LHFPL3: variants seen among roughly 807,000 people sequenced by gnomAD.
LHFPL3 encodes the protein LHFPL tetraspan subfamily member 3 protein.
Under a neutral mutation model 19.3 loss-of-function variants are expected in LHFPL3, and 5 were observed. That is an observed-to-expected ratio of 0.26 (90% CI 0.14 to 0.54). The LOEUF is 0.54. Among genes scored for constraint, LHFPL3 ranks in the 20% least tolerant of loss-of-function variants. LHFPL3 has a pLI of 0.94. For missense variants in LHFPL3, 249 were observed against 307.4 expected, an observed-to-expected ratio of 0.81 and a Z score of 1.42; for synonymous variants, 133 against 126.2, an observed-to-expected ratio of 1.05 and a Z score of -0.36.
chr7:104,558,201 G>A (rs1404600752), intron 1 of LHFPL3, among the ~76,000 whole-genome samples: 2 of 151,632 alleles, frequency 1.3e-5, no homozygotes, highest in Non-Finnish European at 2.9e-5. Context: ...CCCAGTAATG[G>A]GATGGCTGGA....
chr7:104,563,354 T>G (rs1298754474), intron 1 of LHFPL3, among the ~76,000 whole-genome samples: 4 of 152,428 alleles, frequency 2.6e-5, no homozygotes, highest in Middle Eastern at 6.8e-3. Context: ...CGTAGGACCC[T>G]CCGAGCCAGG....
intron 2 of LHFPL3, among the ~76,000 whole-genome samples, chr7:104,749,472 T>C (rs1342498101): frequency 2.6e-5 from 4 of 152,190 alleles, no homozygotes; most frequent in Non-Finnish European, 5.9e-5. Flanking sequence ...TTATTATTTA[T>C]GGCTGGTATA....
chr7:104,568,791 G>A (rs1790171983), intron 1 of LHFPL3, among the ~76,000 whole-genome samples: 1 of 152,212 alleles, frequency 6.6e-6, no homozygotes, highest in Non-Finnish European at 1.5e-5. Context: ...CCTTCCAGAG[G>A]TCAGAGAAAC....
intron 2 of LHFPL3, among the ~76,000 whole-genome samples, chr7:104,843,851 G>C (rs376081887): frequency 6.6e-6 from 1 of 152,188 alleles, no homozygotes; most frequent in Non-Finnish European, 1.5e-5. Flanking sequence ...CCATTAATCT[G>C]AGTTTCATGG....
At chr7:104,668,186 C>T in intron 1 of LHFPL3, 5 of 1,613,778 alleles carry the variant, frequency 3.1e-6, no homozygotes, top group Non-Finnish European at 4.2e-6. Flanking sequence ...AATTTGAGGA[C>T]CTGGATTCCC....
intron 1 of LHFPL3, among the ~76,000 whole-genome samples, chr7:104,344,893 A>G (rs1790034318): frequency 6.6e-6 from 1 of 152,100 alleles, no homozygotes; most frequent in Admixed American, 6.5e-5. Context: ...GGCTTTACCT[A>G]GTTTGGATAA....
chr7:104,379,333 A>C (rs1425518987), intron 1 of LHFPL3, among the ~76,000 whole-genome samples: 1 of 152,164 alleles, frequency 6.6e-6, no homozygotes, highest in Non-Finnish European at 1.5e-5. Flanking sequence ...CTCGGCACAG[A>C]TCAGCCTGAG....
chr7:104,824,034 T>C (rs780132340), intron 2 of LHFPL3, among the ~76,000 whole-genome samples: 23 of 143,960 alleles, frequency 1.6e-4, no homozygotes, highest in Non-Finnish European at 3.2e-4. Context: ...TAATCCCAGC[T>C]ACTCGGGAGG....
intron 2 of LHFPL3, among the ~76,000 whole-genome samples, chr7:104,859,280 C>A (rs200231777): frequency 2.2e-3 from 303 of 140,162 alleles, no homozygotes; most frequent in East Asian, 0.021. Flanking sequence ...AAAAAAAAAA[C>A]AAAAAACCAA....
At position 104,612,763 on chromosome 7, in the gene LHFPL3, C is replaced by T. The variant is rs192957205; in HGVS notation, c.446-123912C>T. Among the ~76,000 whole-genome samples, 243 of 152,300 alleles carry T rather than the reference C, an allele frequency of 1.6e-3. 2 individuals are homozygous for T. The highest frequency in any genetic ancestry group is 5.1e-3 in the African/African-American group (214 of 41,580). ...AATGCTGTGAAGGACGATGACACTA[C>T]TTTGCTTAGAGGGACTGACATTTCA... is the stretch of plus-strand genomic sequence containing the variant. On this transcript the variant is annotated intron_variant, in intron 1 of 2. Transcript: ENST00000424859.
At chr7:104,432,292 C>T (rs924020323) in intron 1 of LHFPL3, among the ~76,000 whole-genome samples, 1 of 152,140 alleles carries the variant, frequency 6.6e-6, no homozygotes, top group Admixed American at 6.5e-5. Flanking sequence ...GGAAGGAAGT[C>T]AATAGCCAGG....
intron 1 of LHFPL3, among the ~76,000 whole-genome samples, chr7:104,385,901 C>G (rs1790931921): frequency 7.6e-6 from 1 of 131,986 alleles, no homozygotes; most frequent in Non-Finnish European, 1.7e-5. Context: ...GAAAGGGCCT[C>G]CAATAATTAC....
chr7:104,617,090 C>T (rs771836093), intron 1 of LHFPL3, among the ~76,000 whole-genome samples: 18 of 152,094 alleles, frequency 1.2e-4, no homozygotes, highest in African/African-American at 3.9e-4. Context: ...GAAGACAGTG[C>T]GGCGATTCCT....
intron 1 of LHFPL3, among the ~76,000 whole-genome samples, chr7:104,493,019 T>C (rs988488136): frequency 6.6e-6 from 1 of 152,244 alleles, no homozygotes; most frequent in Non-Finnish European, 1.5e-5. Flanking sequence ...TCCATATTTA[T>C]TTAACCTTCA....
At chr7:104,866,984 C>A (rs905016722) in intron 2 of LHFPL3, among the ~76,000 whole-genome samples, 1 of 152,100 alleles carries the variant, frequency 6.6e-6, no homozygotes, top group African/African-American at 2.4e-5. Flanking sequence ...CTACTGGGTA[C>A]ATAAAGAAAT....
rs1221825449 is a variant in LHFPL3 at position 104,906,249 on chromosome 7, C to G, written c.*34C>G. The G allele has an allele frequency of 1.3e-6, 2 of 1,596,050 alleles. No homozygotes were observed. Among genetic ancestry groups the G allele is most frequent in the African/African-American group, 1.3e-5 (1 of 74,668 alleles). On this transcript the variant is annotated 3_prime_UTR_variant, in exon 3 of 3. Coordinates refer to ENST00000424859, the MANE Select transcript of LHFPL3 (RefSeq NM_199000.3). ...CAAATCGAATAACAGCTAAACAAAT[C>G]GAATAACAGCTAAACGAATCGAATA...
At chr7:104,581,752 T>A (rs2115567438) in intron 1 of LHFPL3, among the ~76,000 whole-genome samples, 1 of 152,156 alleles carries the variant, frequency 6.6e-6, no homozygotes, top group East Asian at 1.9e-4. Context: ...TCTTTTCCCA[T>A]TGAATTATTT....
intron 1 of LHFPL3, among the ~76,000 whole-genome samples, chr7:104,548,455 T>C (rs1310245093): frequency 6.6e-6 from 1 of 152,194 alleles, no homozygotes; most frequent in African/African-American, 2.4e-5. Context: ...ACAAAGTTTA[T>C]TTGCCATCAA....
intron 2 of LHFPL3, among the ~76,000 whole-genome samples, chr7:104,825,328 G>T (rs1362675973): frequency 6.6e-6 from 1 of 151,820 alleles, no homozygotes. Flanking sequence ...TACAGAATGT[G>T]CCATCACACA....
Sources: allele counts gnomAD v4.1 joint callset (sites outside exome capture counted in the v4.1 genomes callset), GRCh38; gene constraint gnomAD v4.1.1; transcripts MANE v1.5; gene names NCBI Gene and HGNC (gene_info 2026-07-23, HGNC 2026-07-21).